Variants in DRG2 observed in about 807,000 individuals in gnomAD.
DRG2 encodes the protein developmentally regulated GTP binding protein 2.
A neutral mutation model predicts 53.4 loss-of-function variants in DRG2; 36 were observed. The ratio of observed to expected loss-of-function variants is 0.67; its 90% CI spans 0.52 to 0.89. The LOEUF (loss-of-function observed/expected upper bound fraction) is 0.89, where lower values mean the gene tolerates loss of function less well. DRG2 is among the 40% of genes least tolerant of loss of function. DRG2 has a pLI of 0.00. For synonymous variants in DRG2, 167 were observed against 192.1 expected (o/e 0.87, Z 1.08); for missense variants, 342 against 481.2 (o/e 0.71, Z 2.71).
At chr17:18,090,788 G>C (rs2142179369) in intron 1 of DRG2, among the ~76,000 whole-genome samples, 1 of 150,998 alleles carries the variant, frequency 6.6e-6, no homozygotes, top group East Asian at 2.0e-4. Context: ...TCCCTTCTCA[G>C]CTTCCCCAAA....
At chr17:18,101,884 C>A in intron 8 of DRG2, 37 bp from the exon 9 acceptor site, 1 of 1,591,150 alleles carries the variant, frequency 6.3e-7, no homozygotes, top group Non-Finnish European at 8.6e-7. Flanking sequence ...TGCCTTGCTC[C>A]TGTCCTCAGC....
At chr17:18,090,368 T>TTATATATATATATATATA (rs1242491729) in intron 1 of DRG2, among the ~76,000 whole-genome samples, 4 of 25,510 alleles carry the variant, frequency 1.6e-4, no homozygotes, top group African/African-American at 5.5e-4. Context: ...CCGGGCTAAT[T>TTATATATATATATATATA]TATATATATA....
At chr17:18,092,994 T>C (rs1339845927) in intron 1 of DRG2, among the ~76,000 whole-genome samples, 2 of 152,250 alleles carry the variant, frequency 1.3e-5, no homozygotes, top group Admixed American at 1.3e-4. Context: ...ATATTAACAC[T>C]GTACAAAATG....
Position 18,103,769 on chromosome 17 carries a change from C to T in DRG2, c.807-32C>T, listed in dbSNP as rs761208351. ...CCCCAGCCTCTGAATTCACAGGGGCCCCTGCCTGACTGGCCGCCTCCCTCT... is the reference window on the plus strand; with the variant it reads ...CCCCAGCCTCTGAATTCACAGGGGCTCCTGCCTGACTGGCCGCCTCCCTCT... On this transcript the variant is annotated intron_variant, in intron 9 of 12. Transcript: ENST00000225729. This position sits in a 1 kb window ranked among gnomAD's most constrained non-coding sequence, Gnocchi z 4.4. The T allele has an allele frequency of 6.2e-7, 1 of 1,610,556 alleles. No homozygotes were observed. Among genetic ancestry groups the T allele is most frequent in the South Asian group, 1.1e-5 (1 of 91,022 alleles).
At position 18,107,309 on chromosome 17, in the gene DRG2, A is replaced by G. The variant is rs1475543466; in HGVS notation, c.*69A>G. ...GGAGGTGGTCCCACTGGGACACACA[A>G]ACACCCAAACAGAAAAATACAAATA... On this transcript the variant is annotated 3_prime_UTR_variant, in exon 13 of 13. Coordinates refer to ENST00000225729, the MANE Select transcript of DRG2 (RefSeq NM_001388.5). 3 of 1,454,462 alleles carry G rather than the reference A, an allele frequency of 2.1e-6. No individual in the cohort carries two copies. The highest frequency in any genetic ancestry group is 1.9e-6 in the Non-Finnish European group (2 of 1,048,618). 90.1% of individuals were successfully genotyped at this position (1,454,462 alleles called of 1,614,324 possible).
At chr17:18,090,177 A>G (rs2045289088) in intron 1 of DRG2, among the ~76,000 whole-genome samples, 1 of 141,596 alleles carries the variant, frequency 7.1e-6, no homozygotes, top group Non-Finnish European at 1.5e-5. Flanking sequence ...TACCTGACTG[A>G]CACTGAATCC....
At chr17:18,102,553 G>T (rs962601495) in intron 9 of DRG2, among the ~76,000 whole-genome samples, 3 of 151,198 alleles carry the variant, frequency 2.0e-5, no homozygotes, top group Non-Finnish European at 4.4e-5. Context: ...CCCGGGAGGT[G>T]GAGGTTGCAG....
rs1003681690 is a variant in DRG2, at chr17:18,098,054, C to G, written c.226-216C>G. 6 of 481,222 alleles carry G rather than the reference C, an allele frequency of 1.2e-5. No individual in the cohort carries two copies. Among genetic ancestry groups the G allele is most frequent in the African/African-American group, 2.0e-5 (1 of 51,142 alleles). 29.8% of individuals were successfully genotyped at this position (481,222 alleles called of 1,614,324 possible). Reference sequence around the variant, plus strand: ...CTACCTGAGACAGTCCTGAGGCCTCCAAGGAACAGATGGGCCTCTGGTGTC... The same window carrying G: ...CTACCTGAGACAGTCCTGAGGCCTCGAAGGAACAGATGGGCCTCTGGTGTC... On this transcript the variant is annotated intron_variant, in intron 2 of 12. Transcript: ENST00000225729. This position sits in a 1 kb window ranked among gnomAD's most constrained non-coding sequence, Gnocchi z 4.1.
At chr17:18,104,784 TCTCA>T (rs2045599142) in intron 11 of DRG2, 103 bp downstream of exon 11, 6 of 1,572,902 alleles carry the variant, frequency 3.8e-6, no homozygotes, top group Non-Finnish European at 4.3e-6. Context: ...GCTCTGCTGG[TCTCA>T]CTCTCAGATG....
chr17:18,093,699 T>G (rs957237066), intron 1 of DRG2, 114 bp from the exon 2 acceptor site: 1 of 1,234,446 alleles, frequency 8.1e-7, no homozygotes, highest in African/African-American at 1.5e-5. Context: ...TTTCTCCTGA[T>G]CTCCTTGACA....
chr17:18,099,320 T>G lies in DRG2; in HGVS notation c.376+243T>G. ...GTAGAATGGGCATAATAATACATAATTTACAGCATAGTTTTGAGGATTAAG... is the reference window on the plus strand; with the variant it reads ...GTAGAATGGGCATAATAATACATAAGTTACAGCATAGTTTTGAGGATTAAG... On this transcript the variant is annotated intron_variant, in intron 4 of 12. Coordinates refer to ENST00000225729, the MANE Select transcript of DRG2 (RefSeq NM_001388.5). This position sits in a 1 kb window ranked among gnomAD's most constrained non-coding sequence, Gnocchi z 4.4. 1.6e-6 allele frequency: 1 copy of G among 611,678 alleles called. No individual in the cohort carries two copies. Among genetic ancestry groups the G allele is most frequent in the Non-Finnish European group, 2.9e-6 (1 of 348,100 alleles). The allele number at this position is 611,678 out of a possible 1,614,324, so 37.9% of individuals were successfully genotyped here.
chr17:18,101,629 C>T, intron 8 of DRG2, 39 bp downstream of exon 8: 1 of 1,589,000 alleles, frequency 6.3e-7, no homozygotes, highest in Non-Finnish European at 8.6e-7. Flanking sequence ...GCCACTCGGC[C>T]TTTCTACCAC....
Position 18,089,344 on chromosome 17 carries a change from C to T in DRG2, c.64+1257C>T, listed in dbSNP as rs188959085. On this transcript the variant is annotated intron_variant, in intron 1 of 12. Coordinates refer to ENST00000225729, the MANE Select transcript of DRG2 (RefSeq NM_001388.5). ...TAGTAGAGAGGGGGTTTTGCCATGT[C>T]GTCCAGGCTGGTCTCAAACTCCTGA... 5.3e-5 allele frequency among the ~76,000 whole-genome samples: 8 copies of T among 152,108 alleles called. No individual in the cohort carries two copies. In the East Asian group the frequency reaches 1.4e-3, roughly 26 times the overall value.
At chr17:18,094,053 G>C in intron 2 of DRG2, 80 bp downstream of exon 2, 1 of 1,535,562 alleles carries the variant, frequency 6.5e-7, no homozygotes, top group South Asian at 1.2e-5. Context: ...GGCTCCCCTC[G>C]CTGCCTTTCT....
chr17:18,104,011 T>A, intron 10 of DRG2, 122 bp downstream of exon 10: 1 of 904,788 alleles, frequency 1.1e-6, no homozygotes, highest in South Asian at 1.5e-5. Flanking sequence ...TAGACACACC[T>A]CAGCTCTTTT....
chr17:18,093,716 G>T, intron 1 of DRG2, 97 bp from the exon 2 acceptor site: 3 of 1,405,344 alleles, frequency 2.1e-6, no homozygotes, highest in South Asian at 2.8e-5. Flanking sequence ...GACAGCAGTT[G>T]CTTCCCAGCC....
At chr17:18,101,651 C>A in intron 8 of DRG2, 61 bp downstream of exon 8, 1 of 1,515,810 alleles carries the variant, frequency 6.6e-7, no homozygotes, top group Non-Finnish European at 9.1e-7. Flanking sequence ...TGCATTTCCT[C>A]AGCTCCCGGA....
At chr17:18,106,598 G>A (rs2045637947) in intron 12 of DRG2, 112 bp downstream of exon 12, 2 of 1,220,804 alleles carry the variant, frequency 1.6e-6, no homozygotes, top group Admixed American at 1.9e-5. Flanking sequence ...CTTCCTGTGG[G>A]GATTGGCATG....
Position 18,100,661 on chromosome 17 carries a change from T to C in DRG2, c.631+2T>C. On this transcript the variant is annotated splice_donor_variant, in intron 7 of 12. Coordinates refer to ENST00000225729, the MANE Select transcript of DRG2 (RefSeq NM_001388.5). LOFTEE classifies it high-confidence loss of function. This position sits in a 1 kb window ranked among gnomAD's most constrained non-coding sequence, Gnocchi z 4.1. ...TGCAGCTCATCCTGCACGAATACAG[T>C]ATCCTTCCCTGAAAGACACGTGAAG... The C allele has an allele frequency of 1.2e-6, 2 of 1,613,260 alleles. No individual in the cohort carries two copies. Among genetic ancestry groups the C allele is most frequent in the South Asian group, 1.1e-5 (1 of 90,880 alleles).
Sources: gnomAD v4.1 joint callset for allele counts (sites outside exome capture counted in the v4.1 genomes callset) on GRCh38, gnomAD v4.1.1 for gene constraint, Gnocchi (gnomAD v3.1) non-coding constraint, MANE v1.5 for transcripts, NCBI Gene and HGNC (gene_info 2026-07-23, HGNC 2026-07-21) for gene names.